The following KNTC1 variants were observed in gnomAD, a reference collection of about 807,000 sequenced individuals.
KNTC1 encodes the protein kinetochore associated 1.
In KNTC1, 253 loss-of-function variants were observed where a neutral mutation model predicts 314.4. The ratio of observed to expected loss-of-function variants is 0.80; its 90% CI spans 0.73 to 0.89. The LOEUF is 0.89. Among genes scored for constraint, KNTC1 ranks in the 40% least tolerant of loss-of-function variants. The pLI, the probability that KNTC1 is intolerant of heterozygous loss-of-function variation, is 0.00. For synonymous variants in KNTC1, 901 were observed against 901.4 expected, an observed-to-expected ratio of 1.00 and a Z score of 0.01; for missense variants, 2,475 against 2,572.9, an observed-to-expected ratio of 0.96 and a Z score of 0.82.
chr12:122,529,545 A>G lies in KNTC1; in HGVS notation c.-73-446A>G, dbSNP rs1593463617. ...TTATTTGTTGTATAATAATACTATG[A>G]TAGCATCAATGGACTTTTTCTGAAC... On this transcript the variant is annotated intron_variant, in intron 1 of 63. Coordinates refer to ENST00000333479, the MANE Select transcript of KNTC1 (RefSeq NM_014708.6). Among the ~76,000 whole-genome samples the G allele has an allele frequency of 2.6e-5, 4 of 152,290 alleles. No individual in the cohort carries two copies. In the South Asian group the frequency reaches 8.3e-4, roughly 32 times the overall value.
chr12:122,615,367 C>A (rs1873660859), intron 56 of KNTC1, 103 bp from the exon 57 acceptor site: 1 of 998,174 alleles, frequency 1.0e-6, no homozygotes, highest in Non-Finnish European at 1.5e-6. Flanking sequence ...TGGAAGATAA[C>A]GTTTTACCAG....
chr12:122,582,246 G>A (rs1195345739), intron 33 of KNTC1, among the ~76,000 whole-genome samples: 2 of 152,022 alleles, frequency 1.3e-5, no homozygotes, highest in Non-Finnish European at 2.9e-5. Context: ...GTGAGACCTC[G>A]TCTCTACTAA....
chr12:122,528,848 A>T (rs79744884), intron 1 of KNTC1, among the ~76,000 whole-genome samples: 5,745 of 144,904 alleles, frequency 0.04, 390 homozygotes, highest in African/African-American at 0.14. Flanking sequence ...GTATATATAT[A>T]TTTTTTTTCC....
At chr12:122,564,893 C>T (rs1964207985) in intron 20 of KNTC1, among the ~76,000 whole-genome samples, 1 of 152,058 alleles carries the variant, frequency 6.6e-6, no homozygotes, top group Non-Finnish European at 1.5e-5. Context: ...AGTAAGTATA[C>T]CTCTAATTTT....
In KNTC1 at chr12:122,587,766, T is replaced by A; in HGVS notation, c.3786T>A (p.Leu1262=). The part of the protein sequence containing the change: ...INSISALLQN[L]QESSQWELAL... Reference sequence around the variant, plus strand: ...CCATCTCTGCCCTGCTTCAGAATCTTCAGGAATCTAGCCAGTGGGAGCTAG... The same window carrying A: ...CCATCTCTGCCCTGCTTCAGAATCTACAGGAATCTAGCCAGTGGGAGCTAG... The change falls in exon 39 of 64, where the codon CTT becomes CTA. Residue 1262 remains leucine (L), a synonymous_variant. Coordinates refer to ENST00000333479, the MANE Select transcript of KNTC1 (RefSeq NM_014708.6). The A allele has an allele frequency of 6.2e-7, 1 of 1,613,936 alleles. No individual in the cohort carries two copies. Among genetic ancestry groups the A allele is most frequent in the Non-Finnish European group, 8.5e-7 (1 of 1,179,832 alleles).
intron 62 of KNTC1, 106 bp from the exon 63 acceptor site, chr12:122,624,492 T>A: frequency 1.5e-6 from 1 of 678,190 alleles, no homozygotes; most frequent in Non-Finnish European, 2.5e-6. Flanking sequence ...AGTCTCAAAC[T>A]CCTGGACCCA....
At chr12:122,534,574 G>A in intron 2 of KNTC1, 90 bp from the exon 3 acceptor site, 2 of 1,237,944 alleles carry the variant, frequency 1.6e-6, no homozygotes, top group Non-Finnish European at 2.3e-6. Context: ...TTTAAAGTGG[G>A]ATATTTGGGA....
At chr12:122,589,630 C>T (rs1056299772) in intron 40 of KNTC1, among the ~76,000 whole-genome samples, 3 of 151,682 alleles carry the variant, frequency 2.0e-5, no homozygotes, top group Non-Finnish European at 4.4e-5. Flanking sequence ...TTTACCATGC[C>T]TGGCCAATTT....
In KNTC1 at chr12:122,551,606, C is replaced by T. The variant is rs2137779717; in HGVS notation, c.1197-15C>T. On this transcript the variant is annotated splice_polypyrimidine_tract_variant and intron_variant, in intron 15 of 63. Transcript: ENST00000333479. ...ATAATAAGCATTTAACAAAATTTCT[C>T]TTCCAACTTAACAGATTGAGTCGGT... The T allele has an allele frequency of 6.2e-7, 1 of 1,612,256 alleles. No homozygotes were observed. Among genetic ancestry groups the T allele is most frequent in the Non-Finnish European group, 8.5e-7 (1 of 1,178,652 alleles).
At chr12:122,543,698 G>A (rs1407894152) in intron 7 of KNTC1, 64 bp downstream of exon 7, 1 of 976,058 alleles carries the variant, frequency 1.0e-6, no homozygotes, top group Non-Finnish European at 1.5e-6. Context: ...GTAGTAGAAT[G>A]TTTCTGTATA....
chr12:122,586,276 T>G (rs1223540720), intron 37 of KNTC1, among the ~76,000 whole-genome samples: 2 of 152,118 alleles, frequency 1.3e-5, no homozygotes, highest in Non-Finnish European at 2.9e-5. Flanking sequence ...GAGATGGGGT[T>G]TCACCATGTT....
intron 22 of KNTC1, among the ~76,000 whole-genome samples, 184 bp from the exon 23 acceptor site, chr12:122,570,692 C>T (rs1476000092): frequency 6.6e-6 from 1 of 152,058 alleles, no homozygotes; most frequent in Non-Finnish European, 1.5e-5. Context: ...TGTATCAATG[C>T]ATCTCATGTA....
At chr12:122,557,722 G>T in intron 18 of KNTC1, 33 bp downstream of exon 18, 1 of 1,479,820 alleles carries the variant, frequency 6.8e-7, no homozygotes, top group Non-Finnish European at 9.3e-7. Context: ...TGTTTTTTTG[G>T]GGCAGGGGAG....
In KNTC1 at chr12:122,576,992, A is replaced by G. The variant is rs113598460; in HGVS notation, c.2684A>G (p.Tyr895Cys). The G allele has an allele frequency of 1.0e-5, 16 of 1,582,294 alleles. No homozygotes were observed. Among genetic ancestry groups the G allele is most frequent in the Non-Finnish European group, 1.4e-5 (16 of 1,162,904 alleles). Residue 895 changes from tyrosine to cysteine, a missense_variant, in exon 30 of 64, where the codon TAC becomes TGC. By Grantham distance (194) the Tyr-to-Cys change is radical. Transcript: ENST00000333479. Reference protein sequence around the residue: ...QAFMLSDDEIYSLRIIDLIDR... With the variant: ...QAFMLSDDEICSLRIIDLIDR... Reference sequence around the variant, plus strand: ...TTTATGTTATCTGATGATGAGATCTACAGTCTAAGAATTATTGACCTGATT... The same window carrying G: ...TTTATGTTATCTGATGATGAGATCTGCAGTCTAAGAATTATTGACCTGATT...
At chr12:122,591,522 T>G in intron 42 of KNTC1, 69 bp downstream of exon 42, 2 of 843,858 alleles carry the variant, frequency 2.4e-6, no homozygotes, top group South Asian at 2.8e-5. Context: ...AAACAAAGAT[T>G]CTGTTGTTCT....
At chr12:122,554,844 A>C (rs1257385658) in intron 16 of KNTC1, among the ~76,000 whole-genome samples, 1 of 152,236 alleles carries the variant, frequency 6.6e-6, no homozygotes, top group Non-Finnish European at 1.5e-5. Context: ...ACCTTTAAAG[A>C]ACTTTTAGTA....
chr12:122,559,038 T>G (rs529124796), intron 18 of KNTC1, among the ~76,000 whole-genome samples: 1 of 152,230 alleles, frequency 6.6e-6, no homozygotes, highest in African/African-American at 2.4e-5. Context: ...TCTGGCTTCT[T>G]TCACTTAGCA....
intron 24 of KNTC1, among the ~76,000 whole-genome samples, chr12:122,572,621 ATC>A (rs2137920612): frequency 6.6e-6 from 1 of 152,230 alleles, no homozygotes; most frequent in South Asian, 2.1e-4. Flanking sequence ...ATGATATATA[ATC>A]TCTATAGATA....
At chr12:122,530,704 G>C (rs1373635757) in intron 2 of KNTC1, among the ~76,000 whole-genome samples, 1 of 152,082 alleles carries the variant, frequency 6.6e-6, no homozygotes. Flanking sequence ...ACCCACCTCA[G>C]CCTCCCAAAG....
Sources: gnomAD v4.1 joint callset for allele counts (sites outside exome capture counted in the v4.1 genomes callset) on GRCh38, gnomAD v4.1.1 for gene constraint, MANE v1.5 for transcripts, NCBI Gene and HGNC (gene_info 2026-07-23, HGNC 2026-07-21) for gene names.